The following RBPJ variants were observed in gnomAD, a reference collection of about 807,000 sequenced individuals.
RBPJ encodes the protein recombining binding protein suppressor of hairless.
A neutral mutation model predicts 67.8 loss-of-function variants in RBPJ; 9 were observed. The observed-to-expected ratio is 0.13, with a 90% CI of 0.08 to 0.23. The LOEUF (loss-of-function observed/expected upper bound fraction) is 0.23, where lower values mean the gene tolerates loss of function less well. Among genes scored for constraint, RBPJ ranks in the 10% least tolerant of loss-of-function variants. The probability of loss-of-function intolerance (pLI) is 1.00; values close to 1 mark genes in which losing one functional copy is unlikely to be tolerated. For missense variants in RBPJ, 305 were observed against 595.6 expected, an observed-to-expected ratio of 0.51 and a Z score of 5.08; for synonymous variants, 198 against 203.3, an observed-to-expected ratio of 0.97 and a Z score of 0.22.
chr4:26,270,933 T>A (rs1720897088), intron 1 of RBPJ, among the ~76,000 whole-genome samples: 1 of 152,088 alleles, frequency 6.6e-6, no homozygotes. Context: ...CAACCATGGT[T>A]CGAAAATAGG....
At chr4:26,182,117 C>T (rs1394902307) in intron 1 of RBPJ, among the ~76,000 whole-genome samples, 1 of 152,160 alleles carries the variant, frequency 6.6e-6, no homozygotes, top group Non-Finnish European at 1.5e-5. Flanking sequence ...CCGAGGCAGC[C>T]GGATCATGAG....
chr4:26,159,685 T>A (rs1716041516), upstream of RBPJ, among the ~76,000 whole-genome samples: 2 of 152,198 alleles, frequency 1.3e-5, no homozygotes, highest in South Asian at 4.1e-4. Context: ...TAGTGTGATA[T>A]TAATTAGGAC....
intron 1 of RBPJ, among the ~76,000 whole-genome samples, chr4:26,341,838 A>G (rs1725573033): frequency 6.6e-6 from 1 of 152,224 alleles, no homozygotes. Context: ...TGGGGTCCAA[A>G]GGAGAAATAC....
chr4:26,129,935 C>T, the RBPJ span, among the ~76,000 whole-genome samples: 2 of 152,142 alleles, frequency 1.3e-5, no homozygotes, highest in Non-Finnish European at 2.9e-5. Flanking sequence ...CATCTCAGCT[C>T]ACTGCAACCT....
chr4:26,191,917 G>A (rs1487045734), intron 1 of RBPJ, among the ~76,000 whole-genome samples: 3 of 152,100 alleles, frequency 2.0e-5, no homozygotes, highest in South Asian at 4.1e-4. Flanking sequence ...CTTACAAGCA[G>A]GCCTTTCTAG....
chr4:26,214,639 GA>G (rs140541150), intron 1 of RBPJ, among the ~76,000 whole-genome samples: 2 of 130,502 alleles, frequency 1.5e-5, no homozygotes, highest in African/African-American at 3.1e-5. Context: ...GAAAGAAAAA[GA>G]AAAAAGAAAG....
chr4:26,362,504 A>G (rs1233928787), intron 1 of RBPJ: 1 of 1,549,794 alleles, frequency 6.5e-7, no homozygotes, highest in Non-Finnish European at 8.7e-7. Flanking sequence ...CGGAACCATT[A>G]TGATCTCAAA....
the RBPJ span, among the ~76,000 whole-genome samples, chr4:26,119,725 T>C: frequency 6.6e-6 from 1 of 152,246 alleles, no homozygotes; most frequent in Admixed American, 6.5e-5. Context: ...TCATAGGGTA[T>C]AGGTCACCTT....
intron 1 of RBPJ, among the ~76,000 whole-genome samples, chr4:26,176,322 G>A (rs949517872): frequency 3.3e-5 from 5 of 152,276 alleles, no homozygotes; most frequent in South Asian, 2.1e-4. Context: ...GTGATAGAGC[G>A]GAGACGGGAT....
intron 1 of RBPJ, among the ~76,000 whole-genome samples, chr4:26,309,593 G>A (rs1722357466): frequency 6.6e-6 from 1 of 152,222 alleles, no homozygotes; most frequent in Non-Finnish European, 1.5e-5. Context: ...AGAAGTACTA[G>A]TGGTGAAGCT....
chr4:26,195,617 C>T (rs1414183447), intron 1 of RBPJ, among the ~76,000 whole-genome samples: 10 of 151,880 alleles, frequency 6.6e-5, no homozygotes, highest in African/African-American at 1.2e-4. Flanking sequence ...TTTTTTGAGA[C>T]GGAGTCTCAC....
intron 1 of RBPJ, among the ~76,000 whole-genome samples, chr4:26,173,229 AG>A (rs1237427581): frequency 1.3e-5 from 2 of 151,978 alleles, no homozygotes; most frequent in African/African-American, 4.8e-5. Flanking sequence ...TCCATCTCCC[AG>A]GTTTGAGCGA....
chr4:26,237,592 A>G (rs907214152), intron 1 of RBPJ, among the ~76,000 whole-genome samples: 7 of 152,180 alleles, frequency 4.6e-5, no homozygotes, highest in African/African-American at 1.7e-4. Flanking sequence ...TAAGCCTTCT[A>G]TCTGGAAGAT....
chr4:26,241,221 A>T (rs1331128802), intron 1 of RBPJ, among the ~76,000 whole-genome samples: 1 of 151,962 alleles, frequency 6.6e-6, no homozygotes. Context: ...AAAAAAAAAA[A>T]ATTGAGCACT....
chr4:26,340,175 A>T (rs1725362655), intron 1 of RBPJ, among the ~76,000 whole-genome samples: 1 of 152,192 alleles, frequency 6.6e-6, no homozygotes, highest in African/African-American at 2.4e-5. Context: ...TAAAACAGGG[A>T]AAGGGTATAA....
chr4:26,333,648 C>T (rs1724486423), intron 1 of RBPJ, among the ~76,000 whole-genome samples: 1 of 152,102 alleles, frequency 6.6e-6, no homozygotes. Flanking sequence ...CCTCATCCTC[C>T]TGAGTACCTG....
At chr4:26,352,965 C>G (rs1363465901) in intron 1 of RBPJ, among the ~76,000 whole-genome samples, 1 of 152,046 alleles carries the variant, frequency 6.6e-6, no homozygotes, top group African/African-American at 2.4e-5. Flanking sequence ...TCTTATGTAC[C>G]GGTAGCTTTG....
chr4:26,306,947 A>T (rs1029284773), intron 1 of RBPJ, among the ~76,000 whole-genome samples: 4 of 152,072 alleles, frequency 2.6e-5, no homozygotes, highest in Admixed American at 1.3e-4. Context: ...ACTTTCGTAA[A>T]TCATTTTTGT....
At chr4:26,317,935 A>G (rs1722710477), upstream of RBPJ, among the ~76,000 whole-genome samples, 1 of 152,172 alleles carries the variant, frequency 6.6e-6, no homozygotes, top group Non-Finnish European at 1.5e-5. Flanking sequence ...AAATTAGATC[A>G]GTGGTCTGGA....
Sources: allele counts gnomAD v4.1 joint callset (sites outside exome capture counted in the v4.1 genomes callset), GRCh38; gene constraint gnomAD v4.1.1; transcripts MANE v1.5; gene names NCBI Gene and HGNC (gene_info 2026-07-23, HGNC 2026-07-21).